The following TOMM20L variants were observed in gnomAD, a reference collection of about 807,000 sequenced individuals.
The protein encoded by TOMM20L is translocase of outer mitochondrial membrane 20 like.
TOMM20L carries 19 observed loss-of-function variants against 20.4 expected under a neutral mutation model. That is an observed-to-expected ratio of 0.93 (90% CI 0.65 to 1.36). The LOEUF (loss-of-function observed/expected upper bound fraction) is 1.36, where lower values mean the gene tolerates loss of function less well. Among genes scored for constraint, TOMM20L ranks in the 40% most tolerant of loss-of-function variants. The probability of loss-of-function intolerance (pLI) is 0.00; values close to 1 mark genes in which losing one functional copy is unlikely to be tolerated. For missense variants in TOMM20L, 218 were observed against 203.7 expected (o/e 1.07, Z -0.43); for synonymous variants, 75 against 79.6 (o/e 0.94, Z 0.30).
At chr14:58,404,106 T>TATATATATATATATATATAC (rs2036025677) in intron 3 of TOMM20L, among the ~76,000 whole-genome samples, 1 of 18,058 alleles carries the variant, frequency 5.5e-5, no homozygotes. Context: ...TATGTATATA[T>TATATATATATATATATATAC]ATATATATAT....
Position 58,396,008 on chromosome 14 carries a change from T to C in TOMM20L, c.51T>C (p.Cys17=). The change falls in exon 1 of 5, where the codon TGT becomes TGC. Residue 17 remains cysteine, a synonymous_variant. Coordinates refer to ENST00000360945, the MANE Select transcript of TOMM20L (RefSeq NM_207377.3). The part of the protein sequence containing the change: ...LLRLLAAAAA[C]GAFAFLGYCI... ...GCCTCTTGGCCGCCGCGGCGGCCTG[T>C]GGCGCCTTCGCCTTCCTGGGCTATT... 6.9e-7 allele frequency: 1 copy of C among 1,452,410 alleles called. No individual in the cohort carries two copies. Among genetic ancestry groups the C allele is most frequent in the African/African-American group, 1.5e-5 (1 of 68,092 alleles). 90.0% of individuals were successfully genotyped at this position (1,452,410 alleles called of 1,614,324 possible).
downstream of TOMM20L, among the ~76,000 whole-genome samples, chr14:58,412,901 AAATAAT>A (rs1010906134): frequency 6.6e-6 from 1 of 151,874 alleles, no homozygotes; most frequent in East Asian, 1.9e-4. Context: ...ACTCCATCTC[AAATAAT>A]AATAATAATA....
Position 58,404,501 on chromosome 14 carries a change from G to GT in TOMM20L, c.262+1748dup, listed in dbSNP as rs1338779878. Among the ~76,000 whole-genome samples the GT allele has an allele frequency of 7.4e-5, 11 of 149,262 alleles. No individual in the cohort carries two copies. In the East Asian group the frequency reaches 1.6e-3, roughly 22 times the overall value. ...TACCTGTTTTTGCCTTTCTGTTGTT[G>GT]TTTTTTTTCAAAAGGTTTTTTTTTT... On this transcript the variant is annotated intron_variant, in intron 3 of 4. Transcript: ENST00000360945.
the TOMM20L span, among the ~76,000 whole-genome samples, chr14:58,414,869 G>GGGAGCCTGGCTTTCCACCCCAATC: frequency 6.6e-6 from 1 of 152,102 alleles, no homozygotes. Flanking sequence ...AAACCACACA[G>GGGAGCCTGGCTTTCCACCCCAATC]GGAGCCTGGC....
chr14:58,411,246 G>A (rs763837698), downstream of TOMM20L, among the ~76,000 whole-genome samples: 5 of 152,112 alleles, frequency 3.3e-5, no homozygotes, highest in South Asian at 6.2e-4. Context: ...TCAGGAGTTC[G>A]AGACCAGCCT....
intron 2 of TOMM20L, among the ~76,000 whole-genome samples, chr14:58,401,126 G>A (rs2035987725): frequency 6.6e-6 from 1 of 152,166 alleles, no homozygotes; most frequent in African/African-American, 2.4e-5. Context: ...TTATTAGACT[G>A]TGGCTCCTTG....
downstream of TOMM20L, chr14:58,409,170 T>C: frequency 6.2e-7 from 1 of 1,611,484 alleles, no homozygotes; most frequent in Non-Finnish European, 8.5e-7. Context: ...ACAGGTGGTC[T>C]AGGAATGAAA....
At chr14:58,413,325 C>T (rs1033065672), downstream of TOMM20L, among the ~76,000 whole-genome samples, 24 of 152,296 alleles carry the variant, frequency 1.6e-4, no homozygotes, top group African/African-American at 5.8e-4. Flanking sequence ...TACTAATGAT[C>T]CTTTTACAAT....
At chr14:58,404,501 G>A (rs1280674368) in intron 3 of TOMM20L, among the ~76,000 whole-genome samples, 1 of 149,156 alleles carries the variant, frequency 6.7e-6, no homozygotes, top group Non-Finnish European at 1.5e-5. Flanking sequence ...TTCTGTTGTT[G>A]TTTTTTTTCA....
chr14:58,409,496 T>C (rs910293495), downstream of TOMM20L, among the ~76,000 whole-genome samples: 1 of 152,206 alleles, frequency 6.6e-6, no homozygotes, highest in East Asian at 1.9e-4. Flanking sequence ...TATTAAAATG[T>C]AGACCCAGTA....
downstream of TOMM20L, chr14:58,408,886 C>T (rs2140308858): frequency 8.6e-7 from 1 of 1,166,784 alleles, no homozygotes; most frequent in South Asian, 1.7e-5. Flanking sequence ...AATTTTGTTT[C>T]TCCAGCGGTT....
downstream of TOMM20L, chr14:58,412,075 G>A: frequency 1.3e-6 from 1 of 770,152 alleles, no homozygotes; most frequent in Admixed American, 2.4e-5. Context: ...ATCTGTGTAT[G>A]TAATTGTATG....
intron 2 of TOMM20L, among the ~76,000 whole-genome samples, chr14:58,398,218 T>A (rs1047971391): frequency 1.3e-5 from 2 of 152,256 alleles, no homozygotes; most frequent in African/African-American, 4.8e-5. Flanking sequence ...ATTTGATTAA[T>A]GCTTTCCGTT....
chr14:58,396,482 C>T (rs1226274034), intron 2 of TOMM20L, 141 bp downstream of exon 2: 4 of 822,584 alleles, frequency 4.9e-6, no homozygotes, highest in African/African-American at 1.7e-5. Context: ...CCCTCGCGCG[C>T]CACGCACCGC....
downstream of TOMM20L, chr14:58,410,730 A>G (rs987003041): frequency 5.5e-6 from 4 of 724,698 alleles, no homozygotes; most frequent in African/African-American, 5.3e-5. Context: ...AATGGAACAT[A>G]AAAGGTAGTC....
the TOMM20L span, among the ~76,000 whole-genome samples, chr14:58,414,909 C>T: frequency 6.6e-6 from 1 of 152,138 alleles, no homozygotes; most frequent in Non-Finnish European, 1.5e-5. Flanking sequence ...TAATGAGGTA[C>T]CCATCTCCAT....
At position 58,404,099 on chromosome 14, in the gene TOMM20L, G is replaced by A. The variant is rs868527546; in HGVS notation, c.262+1338G>A. On this transcript the variant is annotated intron_variant, in intron 3 of 4. Transcript: ENST00000360945. ...GTACAATGTATATATACATATATAT[G>A]TATATATATATATATATATATTTTT... 3.8e-3 allele frequency among the ~76,000 whole-genome samples: 86 copies of A among 22,928 alleles called. 1 individual carries two copies. The highest frequency in any genetic ancestry group is 0.027 in the South Asian group (14 of 524). 15.0% of individuals were successfully genotyped at this position (22,928 alleles called of 152,430 possible).
At chr14:58,407,646 A>T (rs1014569349) in intron 4 of TOMM20L, among the ~76,000 whole-genome samples, 178 bp downstream of exon 4, 17 of 152,222 alleles carry the variant, frequency 1.1e-4, no homozygotes, top group Non-Finnish European at 2.4e-4. Context: ...TCCTTTGACT[A>T]TAATAAATTG....
intron 3 of TOMM20L, among the ~76,000 whole-genome samples, chr14:58,403,556 C>A (rs1023738460): frequency 6.6e-6 from 1 of 151,714 alleles, no homozygotes; most frequent in Admixed American, 6.6e-5. Flanking sequence ...TTATTCCTAC[C>A]GGCAGGGCAC....
Sources: gnomAD v4.1 joint callset for allele counts (sites outside exome capture counted in the v4.1 genomes callset) on GRCh38, gnomAD v4.1.1 for gene constraint, MANE v1.5 for transcripts, NCBI Gene and HGNC (gene_info 2026-07-23, HGNC 2026-07-21) for gene names.